Variants in KMT2A observed in about 807,000 individuals in gnomAD.
KMT2A encodes the protein lysine methyltransferase 2A, also known as histone-lysine N-methyltransferase 2A.
In KMT2A, 16 loss-of-function variants were observed where a neutral mutation model predicts 345.3. The observed-to-expected ratio is 0.05, with a 90% CI of 0.03 to 0.07. The LOEUF is 0.07. Ranked by LOEUF, KMT2A falls within the 10% of genes least tolerant of loss-of-function variation. KMT2A has a pLI of 1.00. For missense variants in KMT2A, 3,272 were observed against 4,841.6 expected (o/e 0.68, Z 9.62); for synonymous variants, 1,599 against 1,778.6 (o/e 0.90, Z 2.54).
At position 118,476,280 on chromosome 11, in the gene KMT2A, C is replaced by T. The variant is rs1950036741; in HGVS notation, c.3157-525C>T. Among the ~76,000 whole-genome samples the T allele has an allele frequency of 6.6e-6, 1 of 152,192 alleles. No homozygotes were observed. Among genetic ancestry groups the T allele is most frequent in the Non-Finnish European group, 1.5e-5 (1 of 68,036 alleles). ...AAGAAATAGTTTTTGGTTAGATAAG[C>T]CGTATTTATACCACACTGAACTTTT... On this transcript the variant is annotated intron_variant, in intron 3 of 35. Transcript: ENST00000534358. The surrounding 1 kb of genome is among the most constrained non-coding windows in gnomAD (Gnocchi z 4.1).
rs200153433 is a variant in KMT2A, at chr11:118,463,128, T to A, written c.433-5647T>A. Among the ~76,000 whole-genome samples, 72 of 152,166 alleles carry A rather than the reference T, an allele frequency of 4.7e-4. No individual in the cohort carries two copies. In the East Asian group the frequency reaches 8.3e-3, roughly 18 times the overall value. On this transcript the variant is annotated intron_variant, in intron 1 of 35. Transcript: ENST00000534358. ...GTATCTCTTACATTTATCTTTATTT[T>A]TTTTTTTTAAATAAAGATGGGGTCT...
chr11:118,505,695 A>G lies in KMT2A; in HGVS notation c.9803A>G (p.His3268Arg), dbSNP rs1555047950. The G allele has an allele frequency of 6.2e-7, 1 of 1,614,162 alleles. No homozygotes were observed. Among genetic ancestry groups the G allele is most frequent in the East Asian group, 2.2e-5 (1 of 44,890 alleles). The change falls in exon 27 of 36, where the codon CAT (histidine) becomes CGT (arginine). Residue 3268 changes from histidine (H) to arginine (R), a missense_variant. Coordinates refer to ENST00000534358, the MANE Select transcript of KMT2A (RefSeq NM_001197104.2). This position sits in a 1 kb window ranked among gnomAD's most constrained non-coding sequence, Gnocchi z 4.6. ...TTCACACCCTCCCAGCTTCCTAATCATCCAAGTCTGTTAGATTTGGGGTCA... is the reference window on the plus strand; with the variant it reads ...TTCACACCCTCCCAGCTTCCTAATCGTCCAAGTCTGTTAGATTTGGGGTCA... The part of the protein sequence containing the change: ...INFTPSQLPN[H>R]PSLLDLGSLN...
Position 118,493,256 on chromosome 11 carries a change from A to T in KMT2A, c.5178+26A>T, listed in dbSNP as rs781881717. ...GTATGTTTCTACAGTGAGCCATCAGAATTTCTAGTGCCAATAAAGCTTCTT... is the reference window on the plus strand; with the variant it reads ...GTATGTTTCTACAGTGAGCCATCAGTATTTCTAGTGCCAATAAAGCTTCTT... On this transcript the variant is annotated intron_variant, in intron 16 of 35. Coordinates refer to ENST00000534358, the MANE Select transcript of KMT2A (RefSeq NM_001197104.2). The surrounding 1 kb of genome is among the most constrained non-coding windows in gnomAD (Gnocchi z 5.8). 1 of 1,596,292 alleles carries T rather than the reference A, an allele frequency of 6.3e-7. No individual in the cohort carries two copies. Among genetic ancestry groups the T allele is most frequent in the African/African-American group, 1.3e-5 (1 of 74,732 alleles).
Position 118,498,207 on chromosome 11 carries a change from C to A in KMT2A, c.5802+134C>A. 8.8e-7 allele frequency: 1 copy of A among 1,141,674 alleles called. No individual in the cohort carries two copies. The highest frequency in any genetic ancestry group is 1.3e-6 in the Non-Finnish European group (1 of 793,912). The allele number at this position is 1,141,674 out of a possible 1,614,324, so 70.7% of individuals were successfully genotyped here. On this transcript the variant is annotated intron_variant, in intron 21 of 35. Transcript: ENST00000534358. This position sits in a 1 kb window ranked among gnomAD's most constrained non-coding sequence, Gnocchi z 4.4. ...TAGTTAGCCAACAAGTATTGATATACATAATTCAACAGATAAAATGATAAA... is the reference window on the plus strand; with the variant it reads ...TAGTTAGCCAACAAGTATTGATATAAATAATTCAACAGATAAAATGATAAA...
chr11:118,526,148 A>T lies in KMT2A; in HGVS notation c.*3976A>T, dbSNP rs561563033. On this transcript the variant is annotated 3_prime_UTR_variant, in exon 36 of 36. Coordinates refer to ENST00000534358, the MANE Select transcript of KMT2A (RefSeq NM_001197104.2). The stretch of plus-strand genomic sequence containing the variant: ...TCCTCTGATTCCCGAAATGGGGGGA[A>T]CCTCTAACCATAAAGGAATGGTAGA... 2 of 216,376 alleles carry T rather than the reference A, an allele frequency of 9.2e-6. No individual in the cohort carries two copies. The highest frequency in any genetic ancestry group is 3.7e-4 in the South Asian group (2 of 5,382). The allele number at this position is 216,376 out of a possible 1,614,324, so 13.4% of individuals were successfully genotyped here.
intron 4 of KMT2A, 31 bp from the exon 5 acceptor site, chr11:118,477,936 C>T: frequency 6.4e-7 from 1 of 1,567,104 alleles, no homozygotes; most frequent in Non-Finnish European, 8.8e-7. Flanking sequence ...TTCAGTACTC[C>T]CTTGGAACTA....
At chr11:118,440,280 T>C (rs1283224242) in intron 1 of KMT2A, among the ~76,000 whole-genome samples, 9 of 152,214 alleles carry the variant, frequency 5.9e-5, no homozygotes, top group African/African-American at 2.2e-4. Flanking sequence ...CTAACTTCCT[T>C]TGTATGACAA....
intron 28 of KMT2A, 40 bp from the exon 29 acceptor site, chr11:118,509,096 A>G (rs1220703562): frequency 6.4e-7 from 1 of 1,570,138 alleles, no homozygotes; most frequent in Non-Finnish European, 8.8e-7. Flanking sequence ...TGAATTGAAG[A>G]ACTAGCTGAT....
intron 1 of KMT2A, among the ~76,000 whole-genome samples, chr11:118,437,683 C>G (rs9332751): frequency 2.1e-4 from 32 of 151,780 alleles, no homozygotes; most frequent in South Asian, 6.3e-4. Flanking sequence ...CTTCCCCCCC[C>G]CGCCCCGTCT....
Position 118,524,806 on chromosome 11 carries a change from G to C in KMT2A, c.*2634G>C, listed in dbSNP as rs1264327547. On this transcript the variant is annotated 3_prime_UTR_variant, in exon 36 of 36. Transcript: ENST00000534358. Reference sequence around the variant, plus strand: ...TGAGAAAGACCCAAAGGCCAGTCAGGGGGTGGGGGGAACTCAGCTAAATAG... The same window carrying C: ...TGAGAAAGACCCAAAGGCCAGTCAGCGGGTGGGGGGAACTCAGCTAAATAG... 5.5e-6 allele frequency: 1 copy of C among 183,424 alleles called. No homozygotes were observed. Among genetic ancestry groups the C allele is most frequent in the Non-Finnish European group, 1.2e-5 (1 of 86,192 alleles). 11.4% of individuals were successfully genotyped at this position (183,424 alleles called of 1,614,324 possible). A position where few individuals can be genotyped will look rare whatever the true frequency, so the allele number is the denominator to read the frequency against.
At position 118,436,563 on chromosome 11, in the gene KMT2A, GGGCGGCGGC is replaced by G. The variant is rs1407741917; in HGVS notation, c.57_65del (p.Gly21_Gly23del). 2.9e-5 allele frequency: 35 copies of G among 1,203,274 alleles called. No homozygotes were observed. Among genetic ancestry groups the G allele is most frequent in the South Asian group, 4.1e-5 (1 of 24,656 alleles). The allele number at this position is 1,203,274 out of a possible 1,614,324, so 74.5% of individuals were successfully genotyped here. The stretch of plus-strand genomic sequence containing the variant: ...TCCCCGCCCGACCCGGGACCACCGG[GGGCGGCGGC>G]GGCGGGGGGCGCCGGGGCCTAGGGG... On this transcript the variant is annotated inframe_deletion, in exon 1 of 36. Transcript: ENST00000534358. This position sits in a 1 kb window ranked among gnomAD's most constrained non-coding sequence, Gnocchi z 6.9.
intron 31 of KMT2A, chr11:118,512,503 T>C: frequency 6.2e-6 from 1 of 161,208 alleles, no homozygotes; most frequent in Non-Finnish European, 1.3e-5. Context: ...AATATTCCAT[T>C]GTGTAGATAT....
Position 118,461,563 on chromosome 11 carries a change from T to C in KMT2A, c.433-7212T>C, listed in dbSNP as rs557504584. 2.7e-4 allele frequency among the ~76,000 whole-genome samples: 41 copies of C among 152,332 alleles called. 2 individuals are homozygous for C. In the South Asian group the frequency reaches 7.3e-3, roughly 27 times the overall value. ...GTCAGCAAGGTTTAGGTTTTGTGGC[T>C]ATACTGTCTTGGAATGCTGTGCTCA... On this transcript the variant is annotated intron_variant, in intron 1 of 35. Coordinates refer to ENST00000534358, the MANE Select transcript of KMT2A (RefSeq NM_001197104.2).
chr11:118,517,110 T>C (rs1555051748), intron 31 of KMT2A, among the ~76,000 whole-genome samples: 2 of 152,092 alleles, frequency 1.3e-5, no homozygotes, highest in Non-Finnish European at 2.9e-5. Flanking sequence ...GAAAAGAGTT[T>C]GCCAGCTGGG....
intron 10 of KMT2A, among the ~76,000 whole-genome samples, chr11:118,486,554 C>T (rs146181710): frequency 4.7e-4 from 71 of 152,180 alleles, no homozygotes; most frequent in South Asian, 3.3e-3. Context: ...TTACTTACCA[C>T]ATAAGATATG....
intron 11 of KMT2A, 101 bp downstream of exon 11, chr11:118,488,861 T>C: frequency 9.6e-7 from 1 of 1,040,166 alleles, no homozygotes; most frequent in South Asian, 1.5e-5. Flanking sequence ...TGGGAAAAAA[T>C]GAGTAGTTGC....
At position 118,519,763 on chromosome 11, in the gene KMT2A, C is replaced by T. The variant is rs371289157; in HGVS notation, c.11292C>T (p.His3764=). The T allele has an allele frequency of 2.2e-5, 35 of 1,613,818 alleles. No homozygotes were observed. Among genetic ancestry groups the T allele is most frequent in the African/African-American group, 5.3e-5 (4 of 74,934 alleles). Residue 3764 remains histidine, a synonymous_variant, in exon 32 of 36, where the codon CAC becomes CAT. Transcript: ENST00000534358. ...CCAATGAACCCCCCTTGAACCCTCACGGCTCAGCCAGGGCTGAAGTCCACC... is the reference window on the plus strand; with the variant it reads ...CCAATGAACCCCCCTTGAACCCTCATGGCTCAGCCAGGGCTGAAGTCCACC... ...EEANEPPLNP[H]GSARAEVHLR...
Position 118,476,661 on chromosome 11 carries a change from G to C in KMT2A, c.3157-144G>C. ...TACAGTAATAGTTGATTTCTGTTTT[G>C]ATATGATTTATCAGCTGGGAATAAT... On this transcript the variant is annotated intron_variant, in intron 3 of 35. Coordinates refer to ENST00000534358, the MANE Select transcript of KMT2A (RefSeq NM_001197104.2). This position sits in a 1 kb window ranked among gnomAD's most constrained non-coding sequence, Gnocchi z 4.1. 4 of 682,640 alleles carry C rather than the reference G, an allele frequency of 5.9e-6. No individual in the cohort carries two copies. In the Admixed American group the frequency reaches 1.3e-4, roughly 22 times the overall value. The allele number at this position is 682,640 out of a possible 1,614,324, so 42.3% of individuals were successfully genotyped here.
rs1260051089 is a variant in KMT2A at position 118,523,737 on chromosome 11, CAA to C, written c.*1567_*1568del. On this transcript the variant is annotated 3_prime_UTR_variant, in exon 36 of 36. Transcript: ENST00000534358. ...TAGAGAAAATATTCAGCTGTACACA[CAA>C]AGTCTGGTTTTTCCTGCCCAACTTC... 1 of 221,286 alleles carries C rather than the reference CAA, an allele frequency of 4.5e-6. No individual in the cohort carries two copies. Among genetic ancestry groups the C allele is most frequent in the African/African-American group, 2.2e-5 (1 of 44,662 alleles). 13.7% of individuals were successfully genotyped at this position (221,286 alleles called of 1,614,324 possible). A position where few individuals can be genotyped will look rare whatever the true frequency, so the allele number is the denominator to read the frequency against.
Sources: allele counts gnomAD v4.1 joint callset (sites outside exome capture counted in the v4.1 genomes callset), GRCh38; gene constraint gnomAD v4.1.1; non-coding constraint Gnocchi (gnomAD v3.1); transcripts MANE v1.5; gene names NCBI Gene and HGNC (gene_info 2026-07-23, HGNC 2026-07-21).